The following ADGB variants were observed in gnomAD, a reference collection of about 807,000 sequenced individuals.
ADGB encodes the protein androglobin.
ADGB carries 172 observed loss-of-function variants against 210.5 expected under a neutral mutation model. The observed-to-expected ratio is 0.82, with a 90% CI of 0.72 to 0.93. The LOEUF (loss-of-function observed/expected upper bound fraction) is 0.93, where lower values mean the gene tolerates loss of function less well. Among genes scored for constraint, ADGB ranks in the 40% least tolerant of loss-of-function variants. The pLI, the probability that ADGB is intolerant of heterozygous loss-of-function variation, is 0.00. For synonymous variants in ADGB, 658 were observed against 662.7 expected (o/e 0.99, Z 0.11); for missense variants, 2,025 against 1,964.8 (o/e 1.03, Z -0.58).
chr6:146,678,778 ATGACT>A (rs1302403822), intron 9 of ADGB, among the ~76,000 whole-genome samples: 1 of 152,204 alleles, frequency 6.6e-6, no homozygotes, highest in Non-Finnish European at 1.5e-5. Flanking sequence ...TATCCTAATA[ATGACT>A]TGACATTTAA....
At chr6:146,680,976 G>A (rs947360479) in intron 9 of ADGB, among the ~76,000 whole-genome samples, 1 of 152,136 alleles carries the variant, frequency 6.6e-6, no homozygotes. Flanking sequence ...AGAGCTTGGA[G>A]GATTGCAGGT....
chr6:146,802,969 T>C lies in ADGB; in HGVS notation c.4818+958T>C, dbSNP rs577205482. 3.9e-5 allele frequency: 63 copies of C among 1,609,846 alleles called. No individual in the cohort carries two copies. In the African/African-American group the frequency reaches 6.5e-4, roughly 17 times the overall value. On this transcript the variant is annotated intron_variant, in intron 35 of 35. Transcript: ENST00000397944. ...GATGATAGTTCTGACCACCACCTTTTAATGACTGCTTGAAGCCAGTTTAAA... is the reference window on the plus strand; with the variant it reads ...GATGATAGTTCTGACCACCACCTTTCAATGACTGCTTGAAGCCAGTTTAAA...
At chr6:146,639,592 T>C (rs1775477596) in intron 2 of ADGB, 1 of 152,016 alleles carries the variant, frequency 6.6e-6, no homozygotes, top group Non-Finnish European at 1.5e-5. Flanking sequence ...TATCCCTGTT[T>C]GCAGATGACA....
intron 23 of ADGB, among the ~76,000 whole-genome samples, chr6:146,737,942 T>A (rs973021798): frequency 1.3e-5 from 2 of 152,072 alleles, no homozygotes; most frequent in African/African-American, 4.8e-5. Context: ...ACATACACAT[T>A]TCTTGGACAG....
At chr6:146,693,032 C>G (rs1776353463) in intron 12 of ADGB, 117 bp downstream of exon 12, 1 of 586,438 alleles carries the variant, frequency 1.7e-6, no homozygotes, top group Non-Finnish European at 2.9e-6. Context: ...TTAAAATAAG[C>G]CCAAATACAT....
At chr6:146,620,066 A>AT (rs1045107702) in intron 1 of ADGB, among the ~76,000 whole-genome samples, 1 of 151,976 alleles carries the variant, frequency 6.6e-6, no homozygotes, top group Non-Finnish European at 1.5e-5. Flanking sequence ...GTTTGGCAGT[A>AT]TTTTTTCTTC....
intron 13 of ADGB, among the ~76,000 whole-genome samples, chr6:146,710,520 C>T (rs1010673169): frequency 2.0e-5 from 3 of 151,942 alleles, no homozygotes; most frequent in Non-Finnish European, 4.4e-5. Context: ...TGAAAAACTC[C>T]TCTTTAATTG....
intron 3 of ADGB, 23 bp from the exon 4 acceptor site, chr6:146,654,112 A>G: frequency 5.1e-6 from 7 of 1,362,364 alleles, no homozygotes; most frequent in Non-Finnish European, 7.1e-6. Context: ...ATGGAGTAAT[A>G]TATACATATA....
At chr6:146,679,455 T>A (rs1345233990) in intron 9 of ADGB, among the ~76,000 whole-genome samples, 1 of 152,178 alleles carries the variant, frequency 6.6e-6, no homozygotes, top group African/African-American at 2.4e-5. Flanking sequence ...ACACAGTAAC[T>A]GCGATATAAA....
chr6:146,685,633 C>T (rs780734340), intron 9 of ADGB, 101 bp from the exon 10 acceptor site: 9 of 535,882 alleles, frequency 1.7e-5, no homozygotes, highest in Middle Eastern at 5.1e-4. Context: ...TTCACCAGCC[C>T]GAAGATAAAT....
Position 146,726,209 on chromosome 6 carries a change from T to C in ADGB, c.2352+12T>C. ...CCAACTTTGAACCAGTAAGTATTTT[T>C]GCAACAGCAAGTTATTTATTTATTT... On this transcript the variant is annotated intron_variant, in intron 19 of 35. Coordinates refer to ENST00000397944, the MANE Select transcript of ADGB (RefSeq NM_024694.4). The C allele has an allele frequency of 6.7e-7, 1 of 1,492,054 alleles. No individual in the cohort carries two copies. The highest frequency in any genetic ancestry group is 9.1e-7 in the Non-Finnish European group (1 of 1,093,768). 92.4% of individuals were successfully genotyped at this position (1,492,054 alleles called of 1,614,324 possible). A position where few individuals can be genotyped will look rare whatever the true frequency, so the allele number is the denominator to read the frequency against.
intron 13 of ADGB, among the ~76,000 whole-genome samples, chr6:146,703,159 T>A (rs944931462): frequency 6.6e-6 from 1 of 151,922 alleles, no homozygotes; most frequent in Non-Finnish European, 1.5e-5. Context: ...AATTCATAGA[T>A]GTTCTTTGTG....
In ADGB at chr6:146,691,498, A is replaced by ATT. The variant is rs1319836837; in HGVS notation, c.1486+209_1486+210insTT. 3.7e-3 allele frequency among the ~76,000 whole-genome samples: 63 copies of ATT among 17,064 alleles called. 2 individuals carry two copies. The highest frequency in any genetic ancestry group is 5.5e-3 in the African/African-American group (12 of 2,196). 11.2% of individuals were successfully genotyped at this position (17,064 alleles called of 152,430 possible). A position where few individuals can be genotyped will look rare whatever the true frequency, so the allele number is the denominator to read the frequency against. ...TATAAATATATATATATATATATAT[A>ATT]TATTTTTTTTTTTTTTTTTTTTTTT... is the stretch of plus-strand genomic sequence containing the variant. On this transcript the variant is annotated intron_variant, in intron 11 of 35. Coordinates refer to ENST00000397944, the MANE Select transcript of ADGB (RefSeq NM_024694.4).
intron 1 of ADGB, among the ~76,000 whole-genome samples, chr6:146,617,635 G>C (rs1273138849): frequency 2.6e-5 from 4 of 151,750 alleles, no homozygotes; most frequent in African/African-American, 9.7e-5. Flanking sequence ...AATTTATGTA[G>C]AGTTTTTATC....
chr6:146,668,965 A>C lies in ADGB; in HGVS notation c.839+2063A>C, dbSNP rs924282121. ...ACTCTGCCACCCTGTCTTTAAGCCT[A>C]ATCATCCAAGAAGTTATATGGTCTC... On this transcript the variant is annotated intron_variant, in intron 7 of 35. Transcript: ENST00000397944. 3.9e-5 allele frequency among the ~76,000 whole-genome samples: 6 copies of C among 152,084 alleles called. No homozygotes were observed. The East Asian group carries it at 7.7e-4, about 20-fold the overall frequency.
intron 29 of ADGB, among the ~76,000 whole-genome samples, chr6:146,780,864 ATACTC>A (rs746448782): frequency 6.6e-6 from 1 of 152,164 alleles, no homozygotes; most frequent in East Asian, 1.9e-4. Context: ...TACCTATAGA[ATACTC>A]CACTCAACAA....
At chr6:146,726,040 C>A in intron 18 of ADGB, 43 bp from the exon 19 acceptor site, 1 of 1,327,014 alleles carries the variant, frequency 7.5e-7, no homozygotes, top group Non-Finnish European at 1.1e-6. Context: ...AATGCCACCA[C>A]CCAGGAAGCA....
At position 146,721,387 on chromosome 6, in the gene ADGB, G is replaced by C. The variant is rs535976002; in HGVS notation, c.1993-16G>C. On this transcript the variant is annotated splice_polypyrimidine_tract_variant and intron_variant, in intron 16 of 35. Transcript: ENST00000397944. ...GAACTGATATTAAGTATGACAACTG[G>C]TCTAATTTCTTGCAGTTCTCAGAAG... is the stretch of plus-strand genomic sequence containing the variant. 1.4e-6 allele frequency: 2 copies of C among 1,433,884 alleles called. No individual in the cohort carries two copies. The highest frequency in any genetic ancestry group is 2.5e-5 in the South Asian group (2 of 81,600). 88.8% of individuals were successfully genotyped at this position (1,433,884 alleles called of 1,614,324 possible).
intron 1 of ADGB, among the ~76,000 whole-genome samples, chr6:146,604,837 A>G (rs1196954824): frequency 1.3e-5 from 2 of 152,198 alleles, no homozygotes; most frequent in East Asian, 3.9e-4. Flanking sequence ...AGAAGGAATC[A>G]TGCGTTGGTG....
Sources: allele counts gnomAD v4.1 joint callset (sites outside exome capture counted in the v4.1 genomes callset), GRCh38; gene constraint gnomAD v4.1.1; transcripts MANE v1.5; gene names NCBI Gene and HGNC (gene_info 2026-07-23, HGNC 2026-07-21).